The following RBFOX1 variants were observed in gnomAD, a reference collection of about 807,000 sequenced individuals.
RBFOX1 encodes the protein RNA binding protein fox-1 homolog 1.
Under a neutral mutation model 57.7 loss-of-function variants are expected in RBFOX1, and 8 were observed. That is an observed-to-expected ratio of 0.14 (90% CI 0.08 to 0.25). RBFOX1 has a LOEUF of 0.25. Ranked by LOEUF, RBFOX1 falls within the 10% of genes least tolerant of loss-of-function variation. The pLI is 1.00. For synonymous variants in RBFOX1, 326 were observed against 222.4 expected (o/e 1.47, Z -4.15); for missense variants, 611 against 548.5 (o/e 1.11, Z -1.14).
chr16:5,466,071 G>A (rs1021594476), intron 1 of RBFOX1, among the ~76,000 whole-genome samples: 1 of 152,084 alleles, frequency 6.6e-6, no homozygotes, highest in Admixed American at 6.5e-5. Context: ...CTGACGTTTT[G>A]ACAAGAAAAA....
chr16:7,288,939 C>G (rs768116902), intron 4 of RBFOX1, among the ~76,000 whole-genome samples: 36 of 152,058 alleles, frequency 2.4e-4, no homozygotes, highest in Admixed American at 3.9e-4. Flanking sequence ...AATCGTTTGT[C>G]TGGTGAGAGG....
At chr16:7,533,733 G>T (rs958464773) in intron 5 of RBFOX1, among the ~76,000 whole-genome samples, 7 of 152,170 alleles carry the variant, frequency 4.6e-5, no homozygotes, top group African/African-American at 1.7e-4. Context: ...TCTACTGAAT[G>T]TGTATTGTTT....
intron 2 of RBFOX1, among the ~76,000 whole-genome samples, chr16:5,587,899 C>T (rs1280539021): frequency 2.6e-5 from 4 of 152,138 alleles, no homozygotes; most frequent in African/African-American, 4.8e-5. Flanking sequence ...CTCATGATAA[C>T]GTGTGCGGGA....
intron 3 of RBFOX1, among the ~76,000 whole-genome samples, chr16:6,796,632 C>T (rs912886709): frequency 6.6e-6 from 1 of 152,156 alleles, no homozygotes; most frequent in Non-Finnish European, 1.5e-5. Context: ...TTCTCTCTGT[C>T]TCTTGTTAAA....
At position 6,778,123 on chromosome 16, in the gene RBFOX1, C is replaced by T. The variant is rs543930549; in HGVS notation, c.-16+123473C>T. ...CTGTTGCGAATACATGATCTGGATG[C>T]GCAGTGCGATTAAACAGTGATGGCT... On this transcript the variant is annotated intron_variant, in intron 3 of 15. Coordinates refer to ENST00000550418, the MANE Select transcript of RBFOX1 (RefSeq NM_018723.4). Among the ~76,000 whole-genome samples the T allele has an allele frequency of 2.1e-4, 32 of 151,466 alleles. 1 individual carries two copies. The South Asian group carries it at 5.8e-3, about 28-fold the overall frequency.
At chr16:6,152,352 C>G (rs1359193713) in intron 1 of RBFOX1, among the ~76,000 whole-genome samples, 1 of 152,028 alleles carries the variant, frequency 6.6e-6, no homozygotes, top group African/African-American at 2.4e-5. Flanking sequence ...CTCTTTTTAA[C>G]TAGCTGCTGT....
chr16:7,207,810 C>G (rs146450194), intron 4 of RBFOX1, among the ~76,000 whole-genome samples: 4 of 152,270 alleles, frequency 2.6e-5, no homozygotes, highest in African/African-American at 9.6e-5. Context: ...AGCAATAGAA[C>G]GAGCAGGCCA....
rs190970747 is a variant in RBFOX1, at chr16:6,924,003, C to T, written c.-15-128054C>T. ...TGGCCAACATGGTGAAACCCTGTCT[C>T]TACTAAAAATACAAACATTAGTCAG... On this transcript the variant is annotated intron_variant, in intron 3 of 15. Coordinates refer to ENST00000550418, the MANE Select transcript of RBFOX1 (RefSeq NM_018723.4). Among the ~76,000 whole-genome samples, 13 of 152,030 alleles carry T rather than the reference C, an allele frequency of 8.6e-5. No individual in the cohort carries two copies. The East Asian group carries it at 2.1e-3, about 25-fold the overall frequency.
intron 4 of RBFOX1, among the ~76,000 whole-genome samples, chr16:7,380,294 C>T (rs1471075239): frequency 3.3e-5 from 5 of 152,114 alleles, no homozygotes; most frequent in Admixed American, 6.5e-5. Flanking sequence ...GTTTTTTCTC[C>T]TTCCCTTTCT....
At chr16:5,999,376 G>A (rs778421235) in intron 4 of RBFOX1, among the ~76,000 whole-genome samples, 3 of 152,270 alleles carry the variant, frequency 2.0e-5, no homozygotes, top group South Asian at 2.1e-4. Flanking sequence ...TCTTCAGACC[G>A]GGTCAAACTC....
chr16:6,935,118 C>G (rs950377742), intron 3 of RBFOX1, among the ~76,000 whole-genome samples: 1 of 152,020 alleles, frequency 6.6e-6, no homozygotes, highest in Non-Finnish European at 1.5e-5. Flanking sequence ...GAAAAAACAG[C>G]TTATTTAACC....
At chr16:6,541,631 C>G (rs115334851) in intron 2 of RBFOX1, among the ~76,000 whole-genome samples, 1,998 of 152,264 alleles carry the variant, frequency 0.013, 44 homozygotes, top group African/African-American at 0.045. Flanking sequence ...TTTTAAAAAT[C>G]TCAGTGACAC....
intron 4 of RBFOX1, among the ~76,000 whole-genome samples, chr16:7,206,924 G>C (rs906744237): frequency 6.6e-6 from 1 of 152,148 alleles, no homozygotes; most frequent in Non-Finnish European, 1.5e-5. Flanking sequence ...TTACAGCATG[G>C]TCTGTTTCTG....
intron 4 of RBFOX1, among the ~76,000 whole-genome samples, chr16:7,461,092 A>T (rs1360725784): frequency 6.6e-6 from 1 of 152,206 alleles, no homozygotes; most frequent in East Asian, 1.9e-4. Flanking sequence ...AATAACTGAT[A>T]CAGCTGACAA....
intron 1 of RBFOX1, among the ~76,000 whole-genome samples, chr16:6,257,386 G>T (rs187766554): frequency 3.3e-5 from 5 of 152,070 alleles, no homozygotes; most frequent in African/African-American, 1.2e-4. Flanking sequence ...TTAAAAGACA[G>T]CATCAACAAT....
intron 3 of RBFOX1, among the ~76,000 whole-genome samples, chr16:6,896,709 G>A (rs1304821481): frequency 2.0e-5 from 3 of 152,168 alleles, no homozygotes; most frequent in Non-Finnish European, 2.9e-5. Context: ...TTAGAAAAGT[G>A]CCCGGTAAAT....
chr16:7,418,996 C>G (rs970859655), intron 4 of RBFOX1, among the ~76,000 whole-genome samples: 15 of 152,118 alleles, frequency 9.9e-5, no homozygotes, highest in African/African-American at 3.6e-4. Context: ...CCTTGACCTC[C>G]CGGGCTCATG....
At chr16:7,279,837 A>G (rs577596670) in intron 4 of RBFOX1, among the ~76,000 whole-genome samples, 2 of 152,330 alleles carry the variant, frequency 1.3e-5, no homozygotes, top group South Asian at 2.1e-4. Context: ...CAAGCTTTCT[A>G]TCCCTAAAGA....
intron 4 of RBFOX1, among the ~76,000 whole-genome samples, chr16:7,268,724 C>T (rs1397213626): frequency 6.6e-6 from 1 of 152,042 alleles, no homozygotes; most frequent in Non-Finnish European, 1.5e-5. Flanking sequence ...TAGCCTTTTT[C>T]TCACCCAAAG....
Sources: allele counts gnomAD v4.1 joint callset (sites outside exome capture counted in the v4.1 genomes callset), GRCh38; gene constraint gnomAD v4.1.1; transcripts MANE v1.5; gene names NCBI Gene and HGNC (gene_info 2026-07-23, HGNC 2026-07-21).